The following MBD2 variants were observed in gnomAD, a reference collection of about 807,000 sequenced individuals.
The protein encoded by MBD2 is methyl-CpG-binding domain protein 2.
A neutral mutation model predicts 39.3 loss-of-function variants in MBD2; 9 were observed. That is an observed-to-expected ratio of 0.23 (90% CI 0.14 to 0.40). The LOEUF (loss-of-function observed/expected upper bound fraction) is 0.40, where lower values mean the gene tolerates loss of function less well. Ranked by LOEUF, MBD2 falls within the 10% of genes least tolerant of loss-of-function variation. The pLI is 1.00. For missense variants in MBD2, 458 were observed against 532.6 expected (o/e 0.86, Z 1.38); for synonymous variants, 233 against 211.1 (o/e 1.10, Z -0.90).
intron 3 of MBD2, among the ~76,000 whole-genome samples, chr18:54,177,069 T>C (rs760834413): frequency 6.6e-6 from 1 of 152,224 alleles, no homozygotes; most frequent in Non-Finnish European, 1.5e-5. Flanking sequence ...TATCCTAAGA[T>C]GACCATGGAA....
chr18:54,220,211 A>G (rs1476767309), intron 1 of MBD2, among the ~76,000 whole-genome samples: 6 of 152,214 alleles, frequency 3.9e-5, no homozygotes, highest in Non-Finnish European at 5.9e-5. Context: ...ACTAGAAATG[A>G]CAGGAGTCAA....
intron 3 of MBD2, 141 bp from the exon 4 acceptor site, chr18:54,166,307 A>G (rs745733274): frequency 5.5e-5 from 34 of 619,638 alleles, no homozygotes; most frequent in Non-Finnish European, 8.3e-5. Context: ...AAGCTAAATG[A>G]TATTCCAAAC....
chr18:54,180,897 C>CCTTTTTTTTTTTTTTTTTTTTTTTTT (rs2086246150), intron 3 of MBD2, among the ~76,000 whole-genome samples: 2 of 105,372 alleles, frequency 1.9e-5, no homozygotes, highest in African/African-American at 7.8e-5. Context: ...TTAATTTTTT[C>CCTTTTTTTTTTTTTTTTTTTTTTTTT]TTTTTCTTTT....
Position 54,205,035 on chromosome 18 carries a change from T to C in MBD2, c.665A>G (p.Lys222Arg). 1 of 1,613,974 alleles carries C rather than the reference T, an allele frequency of 6.2e-7. No individual in the cohort carries two copies. The change falls in exon 2 of 7, where the codon AAA becomes AGA. Residue 222 changes from lysine to arginine, a missense_variant. By Grantham distance (26) the Lys-to-Arg change is conservative. Coordinates refer to ENST00000256429, the MANE Select transcript of MBD2 (RefSeq NM_003927.5). ...KMMPSKLQKN[K>R]QRLRNDPLNQ... ...GAGAGGATCGTTTCGCAGTCTCTGT[T>C]TGTTCTTCTGTAATTTACTAGGCAT... is the stretch of plus-strand genomic sequence containing the variant.
intron 2 of MBD2, chr18:54,202,781 G>C (rs1478430809): frequency 1.3e-6 from 2 of 1,521,486 alleles, no homozygotes; most frequent in African/African-American, 1.4e-5. Flanking sequence ...GCAATATTAA[G>C]TACCTACCGT....
chr18:54,185,925 C>A (rs188040608), intron 3 of MBD2, among the ~76,000 whole-genome samples: 1 of 152,056 alleles, frequency 6.6e-6, no homozygotes, highest in East Asian at 1.9e-4. Flanking sequence ...CCCTAATTTG[C>A]ACTTTTAAAG....
chr18:54,178,203 T>C (rs1599084728), intron 3 of MBD2, among the ~76,000 whole-genome samples: 1 of 152,252 alleles, frequency 6.6e-6, no homozygotes, highest in South Asian at 2.1e-4. Flanking sequence ...ATTTAGAATA[T>C]GACATTAATC....
chr18:54,164,408 A>G, intron 5 of MBD2, 115 bp downstream of exon 5: 1 of 887,252 alleles, frequency 1.1e-6, no homozygotes. Context: ...AAAGAAAAGT[A>G]TAACTTTCTA....
chr18:54,187,783 A>G, intron 3 of MBD2: 1 of 985,852 alleles, frequency 1.0e-6, no homozygotes, highest in Non-Finnish European at 1.2e-6. Context: ...TGAGACATCT[A>G]TAGCAAGATG....
At chr18:54,223,912 T>TG in intron 1 of MBD2, 106 bp downstream of exon 1, 5 of 962,244 alleles carry the variant, frequency 5.2e-6, no homozygotes, top group Non-Finnish European at 7.5e-6. Flanking sequence ...AGCCTGTCCC[T>TG]GCCACATGCC....
chr18:54,192,645 T>C (rs1311109059), intron 2 of MBD2, among the ~76,000 whole-genome samples: 1 of 152,168 alleles, frequency 6.6e-6, no homozygotes, highest in African/African-American at 2.4e-5. Flanking sequence ...AGTAAACATA[T>C]TCAAACCTGT....
At chr18:54,203,007 G>T in intron 2 of MBD2, 3 of 1,094,852 alleles carry the variant, frequency 2.7e-6, no homozygotes, top group Middle Eastern at 2.0e-4. Flanking sequence ...GAAGGGGAAG[G>T]GGGTAAGCAC....
rs1340434010 is a variant in MBD2 at position 54,166,166 on chromosome 18, G to C, written c.841C>G (p.Leu281Val). ...PQRMNEQPRQ[L>V]FWEKRLQGLS... is the part of the protein sequence containing the mutation. ...CCTTGTAGCCTCTTCTCCCAGAAAA[G>C]CTGTAAGGCAAAATATCACTGTTAA... Residue 281 changes from leucine (L) to valine (V), a missense_variant and splice_region_variant, in exon 4 of 7, where the codon CTT becomes GTT. Physicochemically the swap from Leu to Val is conservative, Grantham distance 32. This residue lies in a region of MBD2 where 189 missense variants were observed against 296.6 expected (regional missense o/e 0.64). Transcript: ENST00000256429. The C allele has an allele frequency of 1.9e-6, 3 of 1,604,114 alleles. No homozygotes were observed. In the East Asian group the frequency reaches 6.7e-5, roughly 36 times the overall value.
At chr18:54,172,626 T>A (rs1599081133) in intron 3 of MBD2, among the ~76,000 whole-genome samples, 1 of 152,246 alleles carries the variant, frequency 6.6e-6, no homozygotes, top group East Asian at 1.9e-4. Flanking sequence ...CTGATGTGTC[T>A]CTGTTGTGTT....
At chr18:54,188,313 A>G (rs1477564372) in intron 3 of MBD2, among the ~76,000 whole-genome samples, 1 of 152,202 alleles carries the variant, frequency 6.6e-6, no homozygotes, top group African/African-American at 2.4e-5. Flanking sequence ...CTTTTTTTCT[A>G]AGAAAAGATT....
intron 2 of MBD2, among the ~76,000 whole-genome samples, chr18:54,201,387 GAAA>G (rs1416472349): frequency 6.6e-6 from 1 of 152,164 alleles, no homozygotes; most frequent in African/African-American, 2.4e-5. Flanking sequence ...TGGCAGTCAA[GAAA>G]ATCAATAAGG....
At position 54,156,991 on chromosome 18, in the gene MBD2, G is replaced by A. The variant is rs376775981; in HGVS notation, c.*13-1680C>T. On this transcript the variant is annotated intron_variant, in intron 6 of 6. Transcript: ENST00000256429. Reference sequence around the variant, plus strand: ...CTGACAGAAGAGAAGGGCTTTCTGAGAGTCCATTCCGAAGCAACAGTGCAG... The same window carrying A: ...CTGACAGAAGAGAAGGGCTTTCTGAAAGTCCATTCCGAAGCAACAGTGCAG... 1.8e-4 allele frequency among the ~76,000 whole-genome samples: 27 copies of A among 152,284 alleles called. No individual in the cohort carries two copies. The East Asian group carries it at 5.0e-3, about 28-fold the overall frequency.
intron 1 of MBD2, among the ~76,000 whole-genome samples, chr18:54,207,396 C>T (rs1023828720): frequency 2.6e-5 from 4 of 152,182 alleles, no homozygotes; most frequent in Non-Finnish European, 5.9e-5. Flanking sequence ...TACTACCACT[C>T]GAAATTCTAT....
At chr18:54,165,659 C>T (rs1201441941) in intron 4 of MBD2, among the ~76,000 whole-genome samples, 1 of 152,084 alleles carries the variant, frequency 6.6e-6, no homozygotes, top group Non-Finnish European at 1.5e-5. Flanking sequence ...GAGGGAGGGG[C>T]AGAAGGAGAG....
Sources: allele counts gnomAD v4.1 joint callset (sites outside exome capture counted in the v4.1 genomes callset), GRCh38; gene constraint gnomAD v4.1.1; regional missense constraint gnomAD v4.1.1; transcripts MANE v1.5; gene names NCBI Gene and HGNC (gene_info 2026-07-23, HGNC 2026-07-21).